UGT2A1: variants seen among roughly 807,000 people sequenced by gnomAD.
The protein encoded by UGT2A1 is UDP glucuronosyltransferase family 2 member A1 complex locus.
In UGT2A1, 61 loss-of-function variants were observed where a neutral mutation model predicts 45.4. The observed-to-expected ratio is 1.34, with a 90% CI of 1.09 to 1.66. The LOEUF (loss-of-function observed/expected upper bound fraction) is 1.66. UGT2A1 is among the 40% of genes most tolerant of loss of function. The pLI, the probability that UGT2A1 is intolerant of heterozygous loss-of-function variation, is 0.00. For synonymous variants in UGT2A1, 229 were observed against 196.2 expected (o/e 1.17, Z -1.40); for missense variants, 649 against 574.3 (o/e 1.13, Z -1.33).
intron 3 of UGT2A1, among the ~76,000 whole-genome samples, chr4:69,611,219 C>T (rs1341492979): frequency 6.7e-6 from 1 of 150,174 alleles, no homozygotes; most frequent in Middle Eastern, 3.2e-3. Flanking sequence ...CAACACAGCT[C>T]ACTGCAGTCT....
rs1403436999 is a variant in UGT2A1, at chr4:69,631,296, AAGAG to A, written c.847+4391_847+4394del. 1.2e-4 allele frequency among the ~76,000 whole-genome samples: 15 copies of A among 126,808 alleles called. 1 individual carries two copies. In the South Asian group the frequency reaches 4.6e-3, roughly 39 times the overall value. 83.2% of individuals were successfully genotyped at this position (126,808 alleles called of 152,430 possible). On this transcript the variant is annotated intron_variant, in intron 3 of 6. Coordinates refer to ENST00000286604, the MANE Select transcript of UGT2A1 (RefSeq NM_001252275.3). Reference sequence around the variant, plus strand: ...TATTTTTTCAAAATGATGTTTGTCAAAGAGAGAGTTACTTAATTTTTATGTTTTT... The same window carrying A: ...TATTTTTTCAAAATGATGTTTGTCAAAGAGTTACTTAATTTTTATGTTTTT...
intron 3 of UGT2A1, among the ~76,000 whole-genome samples, chr4:69,607,662 T>A (rs1326852447): frequency 6.6e-6 from 1 of 152,042 alleles, no homozygotes. Flanking sequence ...ATTTTTGCAA[T>A]CTACTCATCT....
chr4:69,648,459 A>G (rs1208267758), intron 1 of UGT2A1, among the ~76,000 whole-genome samples: 4 of 151,986 alleles, frequency 2.6e-5, no homozygotes, highest in Non-Finnish European at 5.9e-5. Context: ...GCCTGCATGA[A>G]AAACAGCTAC....
chr4:69,621,372 C>CAA (rs889156202), intron 3 of UGT2A1, among the ~76,000 whole-genome samples: 35 of 151,950 alleles, frequency 2.3e-4, no homozygotes, highest in African/African-American at 8.4e-4. Context: ...GACATACATG[C>CAA]AACCATCAAG....
chr4:69,647,761 C>T (rs1044578589), intron 1 of UGT2A1, 63 bp from the exon 2 acceptor site: 18 of 681,506 alleles, frequency 2.6e-5, no homozygotes, highest in South Asian at 4.8e-5. Flanking sequence ...CATTAATATC[C>T]TTAAAAGCCT....
chr4:69,627,889 C>A (rs1721179547), intron 3 of UGT2A1, among the ~76,000 whole-genome samples: 1 of 151,786 alleles, frequency 6.6e-6, no homozygotes, highest in Non-Finnish European at 1.5e-5. Flanking sequence ...ATAAAAAATA[C>A]TAAAATATTA....
chr4:69,640,715 A>C (rs959802634), intron 2 of UGT2A1, among the ~76,000 whole-genome samples: 2 of 151,990 alleles, frequency 1.3e-5, no homozygotes, highest in Admixed American at 6.6e-5. Flanking sequence ...CTTGAGTAAC[A>C]AAAGAACTGG....
intron 6 of UGT2A1, among the ~76,000 whole-genome samples, chr4:69,589,932 A>G (rs1438537): frequency 0.39 from 59,371 of 152,004 alleles, 11,869 homozygotes; most frequent in East Asian, 0.56. Context: ...TTCCAAAAAT[A>G]ATTTTGATAC....
At chr4:69,596,157 G>T (rs946596291) in intron 4 of UGT2A1, 1 of 1,362,968 alleles carries the variant, frequency 7.3e-7, no homozygotes, top group African/African-American at 1.5e-5. Flanking sequence ...AGTGTATAAT[G>T]AGTTTTGATT....
At chr4:69,649,945 T>A (rs567135574) in intron 1 of UGT2A1, among the ~76,000 whole-genome samples, 18 of 151,606 alleles carry the variant, frequency 1.2e-4, no homozygotes, top group South Asian at 8.4e-4. Flanking sequence ...GTGGGTGGAG[T>A]TGTGAGAAAT....
At chr4:69,597,299 C>T (rs189772547) in intron 4 of UGT2A1, among the ~76,000 whole-genome samples, 197 of 152,252 alleles carry the variant, frequency 1.3e-3, no homozygotes, top group Non-Finnish European at 1.9e-3. Flanking sequence ...TCTCTTTCTT[C>T]TTGATGTATA....
At chr4:69,603,536 C>T (rs1384220150) in intron 3 of UGT2A1, 1 of 136,674 alleles carries the variant, frequency 7.3e-6, no homozygotes, top group African/African-American at 3.0e-5. Context: ...GAAAGCAGCT[C>T]CTCACACGCA....
chr4:69,590,519 C>G (rs148601925), intron 6 of UGT2A1, among the ~76,000 whole-genome samples: 40 of 152,016 alleles, frequency 2.6e-4, no homozygotes, highest in African/African-American at 9.2e-4. Flanking sequence ...ATGGTTTGTG[C>G]AGAGATGTCC....
At chr4:69,593,560 TTATATA>T (rs1491519972) in intron 6 of UGT2A1, among the ~76,000 whole-genome samples, 1 of 128,182 alleles carries the variant, frequency 7.8e-6, no homozygotes, top group African/African-American at 2.5e-5. Flanking sequence ...ATATATAGAC[TTATATA>T]TATAATATAC....
At chr4:69,644,459 C>G (rs1290313553) in intron 2 of UGT2A1, among the ~76,000 whole-genome samples, 1 of 151,684 alleles carries the variant, frequency 6.6e-6, no homozygotes, top group Non-Finnish European at 1.5e-5. Flanking sequence ...AGATGCTGCA[C>G]ATATTCAGAG....
At chr4:69,631,717 GAAC>G (rs1476034915) in intron 3 of UGT2A1, among the ~76,000 whole-genome samples, 2 of 152,120 alleles carry the variant, frequency 1.3e-5, no homozygotes, top group East Asian at 1.9e-4. Flanking sequence ...CTGAAAAAGA[GAAC>G]AACTGTAGCC....
At position 69,638,935 on chromosome 4, in the gene UGT2A1, A is replaced by C. The variant is rs775932604; in HGVS notation, c.716-3113T>G. ...CTATAGTATGAATTCCATTCTCCCC[A>C]GTAGGACTGAAATATATAGTCTTGC... On this transcript the variant is annotated intron_variant, in intron 2 of 6. Transcript: ENST00000286604. 111 of 1,611,038 alleles carry C rather than the reference A, an allele frequency of 6.9e-5. No individual in the cohort carries two copies. In the African/African-American group the frequency reaches 7.2e-4, roughly 10 times the overall value.
intron 3 of UGT2A1, among the ~76,000 whole-genome samples, chr4:69,604,756 G>T (rs1352039830): frequency 7.3e-6 from 1 of 136,142 alleles, no homozygotes; most frequent in Admixed American, 7.3e-5. Context: ...ACAAAAAAAG[G>T]CAGGGGTTGC....
intron 3 of UGT2A1, among the ~76,000 whole-genome samples, chr4:69,630,544 C>T (rs17674648): frequency 0.26 from 39,838 of 151,860 alleles, 5,643 homozygotes; most frequent in African/African-American, 0.34. Flanking sequence ...TACTACAAAT[C>T]ACTGTGAATA....
Sources: gnomAD v4.1 joint callset for allele counts (sites outside exome capture counted in the v4.1 genomes callset) on GRCh38, gnomAD v4.1.1 for gene constraint, MANE v1.5 for transcripts, NCBI Gene and HGNC (gene_info 2026-07-23, HGNC 2026-07-21) for gene names.